TMTC2: variants seen among roughly 807,000 people sequenced by gnomAD.
TMTC2 encodes transmembrane O-mannosyltransferase targeting cadherins 2, also known as protein O-mannosyl-transferase TMTC2.
TMTC2 carries 43 observed loss-of-function variants against 82.4 expected under a neutral mutation model. The ratio of observed to expected loss-of-function variants is 0.52; its 90% CI spans 0.41 to 0.67. The LOEUF is 0.67. Ranked by LOEUF, TMTC2 falls within the 30% of genes least tolerant of loss-of-function variation. The pLI is 0.00. For missense variants in TMTC2, 919 were observed against 1,012.4 expected, an observed-to-expected ratio of 0.91 and a Z score of 1.25; for synonymous variants, 408 against 381.9, an observed-to-expected ratio of 1.07 and a Z score of -0.80.
chr12:82,688,644 C>G (rs961259382), intron 1 of TMTC2, among the ~76,000 whole-genome samples: 1 of 152,186 alleles, frequency 6.6e-6, no homozygotes, highest in Non-Finnish European at 1.5e-5. Flanking sequence ...AACAGCACGC[C>G]TGGCTAAACT....
intron 9 of TMTC2, among the ~76,000 whole-genome samples, chr12:83,036,884 G>A (rs1271428119): frequency 6.6e-6 from 1 of 152,126 alleles, no homozygotes. Flanking sequence ...AGAGACATAA[G>A]AAGAGAGAGA....
intron 2 of TMTC2, among the ~76,000 whole-genome samples, chr12:82,866,736 A>G (rs532761573): frequency 1.3e-4 from 20 of 152,342 alleles, no homozygotes; most frequent in African/African-American, 4.3e-4. Flanking sequence ...GTCATTACCT[A>G]GAAGTTCAGT....
In TMTC2 at chr12:82,966,069, C is replaced by T. The variant is rs183067796; in HGVS notation, c.1869+325C>T. The T allele has an allele frequency of 3.6e-5, 11 of 307,064 alleles. 2 individuals carry two copies. The highest frequency in any genetic ancestry group is 1.7e-4 in the African/African-American group (8 of 48,142). The allele number at this position is 307,064 out of a possible 1,614,324, so 19.0% of individuals were successfully genotyped here. ...GTAATGTTTCTCGAGCTTCTTTGCT[C>T]ACCATTTCTTTGGTTTGATGACCCA... On this transcript the variant is annotated intron_variant, in intron 6 of 11. Transcript: ENST00000321196.
At chr12:82,736,038 G>T (rs147212188) in intron 1 of TMTC2, among the ~76,000 whole-genome samples, 1 of 151,632 alleles carries the variant, frequency 6.6e-6, no homozygotes, top group African/African-American at 2.4e-5. Flanking sequence ...ATTTTGCTCC[G>T]GAGATGAATG....
intron 1 of TMTC2, among the ~76,000 whole-genome samples, chr12:82,834,281 T>A (rs138538230): frequency 7.2e-5 from 11 of 152,358 alleles, no homozygotes; most frequent in African/African-American, 2.6e-4. Context: ...ATTGTGATTA[T>A]CCGTCTTAGA....
rs564957503 is a variant in TMTC2 at position 83,103,549 on chromosome 12, C to T, written c.2332-28661C>T. ...AACAACCAGATGTCACAAGTACACACGATTGCAGGGACAGCACCAAGCCAT... is the reference window on the plus strand; with the variant it reads ...AACAACCAGATGTCACAAGTACACATGATTGCAGGGACAGCACCAAGCCAT... On this transcript the variant is annotated intron_variant, in intron 11 of 11. Transcript: ENST00000321196. Among the ~76,000 whole-genome samples, 7 of 152,178 alleles carry T rather than the reference C, an allele frequency of 4.6e-5. No individual in the cohort carries two copies. The East Asian group carries it at 1.2e-3, about 25-fold the overall frequency.
intron 1 of TMTC2, among the ~76,000 whole-genome samples, chr12:82,703,268 G>A (rs918127169): frequency 1.3e-5 from 2 of 152,032 alleles, no homozygotes; most frequent in African/African-American, 4.8e-5. Context: ...TGGATGGGAA[G>A]GTGTAGTTAT....
intron 1 of TMTC2, among the ~76,000 whole-genome samples, chr12:82,854,697 C>G (rs1207232307): frequency 6.6e-6 from 1 of 152,146 alleles, no homozygotes; most frequent in African/African-American, 2.4e-5. Flanking sequence ...AGTGAACCAT[C>G]CCGGCCACAT....
intron 1 of TMTC2, among the ~76,000 whole-genome samples, chr12:82,743,914 A>T (rs904958552): frequency 2.0e-5 from 3 of 151,872 alleles, no homozygotes; most frequent in African/African-American, 7.3e-5. Context: ...TAGTTTTTCT[A>T]TGTTTTAATT....
intron 11 of TMTC2, among the ~76,000 whole-genome samples, chr12:83,085,901 C>T (rs1883637994): frequency 1.3e-5 from 2 of 152,144 alleles, no homozygotes; most frequent in Non-Finnish European, 2.9e-5. Flanking sequence ...AAATCTATCT[C>T]CTGTCATGGA....
chr12:82,886,546 C>A (rs994110295), intron 2 of TMTC2, among the ~76,000 whole-genome samples: 2 of 152,124 alleles, frequency 1.3e-5, no homozygotes, highest in Non-Finnish European at 2.9e-5. Flanking sequence ...TACTGAATAT[C>A]TTAAGATACT....
intron 8 of TMTC2, among the ~76,000 whole-genome samples, chr12:83,013,169 AAGAC>A (rs1432631310): frequency 6.6e-6 from 1 of 152,122 alleles, no homozygotes; most frequent in Non-Finnish European, 1.5e-5. Flanking sequence ...ACTGTAGTAA[AAGAC>A]ATTTGAGAAA....
At chr12:82,706,257 C>T (rs1325775542) in intron 1 of TMTC2, among the ~76,000 whole-genome samples, 1 of 144,136 alleles carries the variant, frequency 6.9e-6, no homozygotes, top group East Asian at 2.1e-4. Flanking sequence ...GCGGAGGTTG[C>T]AGTGAGCCGA....
intron 8 of TMTC2, among the ~76,000 whole-genome samples, chr12:83,026,656 A>G (rs1056851018): frequency 6.6e-6 from 1 of 151,626 alleles, no homozygotes; most frequent in Non-Finnish European, 1.5e-5. Flanking sequence ...ATTATCTCAT[A>G]TTTAATATTC....
chr12:82,785,091 A>G (rs918349958), intron 1 of TMTC2, among the ~76,000 whole-genome samples: 4 of 152,090 alleles, frequency 2.6e-5, no homozygotes, highest in Non-Finnish European at 5.9e-5. Flanking sequence ...GTAGTCATGT[A>G]TAGGATTCAT....
chr12:83,032,472 C>T (rs1304042186), intron 9 of TMTC2, among the ~76,000 whole-genome samples: 2 of 150,720 alleles, frequency 1.3e-5, no homozygotes, highest in African/African-American at 4.9e-5. Context: ...TATTTTTTTC[C>T]AGTGGTGATA....
chr12:82,736,322 A>C (rs954461323), intron 1 of TMTC2, among the ~76,000 whole-genome samples: 2 of 152,206 alleles, frequency 1.3e-5, no homozygotes, highest in African/African-American at 2.4e-5. Flanking sequence ...CTTTAAAAAA[A>C]AACAACATGT....
chr12:83,089,932 T>C (rs1883789775), intron 11 of TMTC2, among the ~76,000 whole-genome samples: 1 of 152,212 alleles, frequency 6.6e-6, no homozygotes, highest in African/African-American at 2.4e-5. Flanking sequence ...ATTCAGTGCA[T>C]ATATCCTATA....
At chr12:82,874,212 T>C (rs1872362367) in intron 2 of TMTC2, among the ~76,000 whole-genome samples, 1 of 152,188 alleles carries the variant, frequency 6.6e-6, no homozygotes, top group Non-Finnish European at 1.5e-5. Context: ...CCATATGGCA[T>C]AATGACATAA....
Sources: gnomAD v4.1 joint callset for allele counts (sites outside exome capture counted in the v4.1 genomes callset) on GRCh38, gnomAD v4.1.1 for gene constraint, MANE v1.5 for transcripts, NCBI Gene and HGNC (gene_info 2026-07-23, HGNC 2026-07-21) for gene names.